Variants in DCHS1 observed in about 807,000 individuals in gnomAD.
DCHS1 encodes dachsous cadherin-related 1.
DCHS1 carries 78 observed loss-of-function variants against 213.9 expected under a neutral mutation model. The ratio of observed to expected loss-of-function variants is 0.36; its 90% CI spans 0.30 to 0.44. DCHS1 has a LOEUF of 0.44. Ranked by LOEUF, DCHS1 falls within the 20% of genes least tolerant of loss-of-function variation. DCHS1 has a pLI of 1.00. For missense variants in DCHS1, 3,946 were observed against 4,395.9 expected, an observed-to-expected ratio of 0.90 and a Z score of 2.89; for synonymous variants, 1,828 against 1,873.7, an observed-to-expected ratio of 0.98 and a Z score of 0.63.
At chr11:6,634,438 G>A (rs1855960005) in intron 2 of DCHS1, 132 bp from the exon 3 acceptor site, 1 of 998,872 alleles carries the variant, frequency 1.0e-6, no homozygotes, top group Middle Eastern at 3.3e-4. Flanking sequence ...GTAGGACATG[G>A]GCCCAAACCC....
intron 2 of DCHS1, among the ~76,000 whole-genome samples, chr11:6,634,671 C>A (rs1855963461): frequency 6.6e-6 from 1 of 152,130 alleles, no homozygotes; most frequent in Admixed American, 6.5e-5. Flanking sequence ...TTTCTCCATA[C>A]AACACATCAC....
At position 6,628,591 on chromosome 11, in the gene DCHS1, T is replaced by A. The variant is rs1855848832; in HGVS notation, c.5371+30A>T. On this transcript the variant is annotated intron_variant, in intron 13 of 20. Transcript: ENST00000299441. The surrounding 1 kb of genome is among the most constrained non-coding windows in gnomAD (Gnocchi z 4.3). ...GAGCAAGAACCAGGCAAGTGGGTGC[T>A]GAATTAAGTGGGAGTGGGAAGGTTC... The A allele has an allele frequency of 1.2e-6, 2 of 1,611,834 alleles. No homozygotes were observed. The highest frequency in any genetic ancestry group is 1.7e-6 in the Non-Finnish European group (2 of 1,178,422).
rs371287504 is a variant in DCHS1 at position 6,647,428 on chromosome 11, T to C, written c.-120-5695A>G. On this transcript the variant is annotated intron_variant, in intron 1 of 20. Coordinates refer to ENST00000299441, the MANE Select transcript of DCHS1 (RefSeq NM_003737.4). ...CCTGGATATCCCTGGGACAGCCCCA[T>C]AGGACAGTGGCCAGAGCAGTGCCCG... Among the ~76,000 whole-genome samples the C allele has an allele frequency of 4.6e-5, 7 of 152,112 alleles. No homozygotes were observed. In the East Asian group the frequency reaches 1.2e-3, roughly 25 times the overall value.
chr11:6,637,759 A>C (rs933819460), intron 2 of DCHS1, among the ~76,000 whole-genome samples: 2 of 152,056 alleles, frequency 1.3e-5, no homozygotes, highest in African/African-American at 4.8e-5. Flanking sequence ...AAATGTTCTT[A>C]TTGGAATGAA....
rs199865073 is a variant in DCHS1, at chr11:6,624,018, C to T, written c.7658G>A (p.Cys2553Tyr). The change falls in exon 21 of 21, where the codon TGC becomes TAC. Residue 2553 changes from cysteine to tyrosine, a missense_variant. Coordinates refer to ENST00000299441, the MANE Select transcript of DCHS1 (RefSeq NM_003737.4). ...GTCTAGAGGTTCAAGCAACACCAGG[C>T]AGCCCAGTGCCCGGGGGCCTGGTCC... ...SAGPGPRALG[C>Y]LVLLEPLDFE... The T allele has an allele frequency of 1.7e-5, 27 of 1,613,468 alleles. No homozygotes were observed. The East Asian group carries it at 5.8e-4, about 35-fold the overall frequency.
intron 2 of DCHS1, among the ~76,000 whole-genome samples, chr11:6,637,668 T>C (rs935898484): frequency 2.0e-5 from 3 of 151,972 alleles, no homozygotes; most frequent in African/African-American, 7.3e-5. Context: ...TTGCTCATTC[T>C]TTAAGTCTCA....
At position 6,640,695 on chromosome 11, in the gene DCHS1, T is replaced by C. The variant is rs1589960638; in HGVS notation, c.919A>G (p.Ile307Val). ...RQSEGDGPFS[I>V]DAHTGLLQLE... Reference sequence around the variant, plus strand: ...TGCAGCAGCCCCGTGTGTGCGTCGATGGAGAAGGGTCCATCACCCTCGCTC... The same window carrying C: ...TGCAGCAGCCCCGTGTGTGCGTCGACGGAGAAGGGTCCATCACCCTCGCTC... Residue 307 changes from isoleucine to valine, a missense_variant, in exon 2 of 21, where the codon ATC becomes GTC. Ile to Val is a conservative substitution (Grantham distance 29, BLOSUM62 3). Transcript: ENST00000299441. This position sits in a 1 kb window ranked among gnomAD's most constrained non-coding sequence, Gnocchi z 6.5. The C allele has an allele frequency of 5.0e-6, 8 of 1,613,506 alleles. No homozygotes were observed. Among genetic ancestry groups the C allele is most frequent in the Non-Finnish European group, 6.8e-6 (8 of 1,179,834 alleles).
Position 6,632,802 on chromosome 11 carries a change from G to A in DCHS1, c.2710C>T (p.Pro904Ser), listed in dbSNP as rs745615130. The stretch of plus-strand genomic sequence containing the variant: ...GGAGTCCCTGGGGCAGTGTTTGGTG[G>A]TAGCAATACCGTGTCTTCAGGTGCA... Reference protein sequence around the residue: ...FPAPEDTVLLPPNTAPGTPIY... With the variant: ...FPAPEDTVLLSPNTAPGTPIY... The change falls in exon 6 of 21, where the codon CCA becomes TCA. Residue 904 changes from proline to serine, a missense_variant. Physicochemically the swap from Pro to Ser is moderately conservative, Grantham distance 74. Transcript: ENST00000299441. This position sits in a 1 kb window ranked among gnomAD's most constrained non-coding sequence, Gnocchi z 5.9. 2 of 1,613,940 alleles carry A rather than the reference G, an allele frequency of 1.2e-6. No individual in the cohort carries two copies. The highest frequency in any genetic ancestry group is 8.5e-7 in the Non-Finnish European group (1 of 1,179,858).
intron 5 of DCHS1, 137 bp from the exon 6 acceptor site, chr11:6,633,193 T>C (rs1295619879): frequency 8.3e-7 from 1 of 1,208,984 alleles, no homozygotes; most frequent in African/African-American, 1.5e-5. Context: ...GGGCAGGGGT[T>C]GGCAAAGAAG....
chr11:6,653,193 T>A (rs1039665224), intron 1 of DCHS1, among the ~76,000 whole-genome samples: 1 of 152,164 alleles, frequency 6.6e-6, no homozygotes, highest in Non-Finnish European at 1.5e-5. Flanking sequence ...AGTGTCAGGC[T>A]CACTGAACTG....
chr11:6,639,261 T>C (rs866673798), intron 2 of DCHS1, among the ~76,000 whole-genome samples: 1 of 152,204 alleles, frequency 6.6e-6, no homozygotes, highest in African/African-American at 2.4e-5. Flanking sequence ...GCAGCCAGTA[T>C]GTGTCTTTCT....
In DCHS1 at chr11:6,640,151, G is replaced by A. The variant is rs1229960002; in HGVS notation, c.1463C>T (p.Pro488Leu). ...AGTCACCCGCACTACAAAGCTGCCA[G>A]GCAGCGCAACCTCAGGCAGGGGCTC... ...RPEPLPEVAL[P>L]GSFVVRVTAR... The change falls in exon 2 of 21, where the codon CCT (proline) becomes CTT (leucine). Residue 488 changes from proline to leucine, a missense_variant. Coordinates refer to ENST00000299441, the MANE Select transcript of DCHS1 (RefSeq NM_003737.4). The surrounding 1 kb of genome is among the most constrained non-coding windows in gnomAD (Gnocchi z 6.5). The A allele has an allele frequency of 6.2e-7, 1 of 1,613,776 alleles. No individual in the cohort carries two copies. Among genetic ancestry groups the A allele is most frequent in the Admixed American group, 1.7e-5 (1 of 59,976 alleles).
chr11:6,625,627 G>A lies in DCHS1; in HGVS notation c.6832C>T (p.Pro2278Ser), dbSNP rs749651000. 30 of 1,613,510 alleles carry A rather than the reference G, an allele frequency of 1.9e-5. No homozygotes were observed. Among genetic ancestry groups the A allele is most frequent in the Non-Finnish European group, 2.5e-5 (30 of 1,179,850 alleles). Residue 2278 changes from proline to serine, a missense_variant, in exon 18 of 21, where the codon CCC becomes TCC. Pro to Ser is a moderately conservative substitution (Grantham distance 74). This residue lies in a region of DCHS1 where 3,384 missense variants were observed against 3,780.1 expected (regional missense o/e 0.90). Transcript: ENST00000299441. This position sits in a 1 kb window ranked among gnomAD's most constrained non-coding sequence, Gnocchi z 5.3. ...IDTNDNRPTI[P>S]QPWELRVSED... ...GACACTCGGAGCTCCCAGGGTTGGG[G>A]GATGGTGGGGCGATTGTCATTGGTG...
intron 1 of DCHS1, among the ~76,000 whole-genome samples, chr11:6,651,212 T>A (rs1169884265): frequency 1.3e-5 from 2 of 151,270 alleles, no homozygotes; most frequent in African/African-American, 2.4e-5. Flanking sequence ...CCCGGTGGAG[T>A]CATTAAAGGC....
Position 6,651,139 on chromosome 11 carries a change from C to T in DCHS1, c.-121+4424G>A, listed in dbSNP as rs560990187. ...TCTTGCCATCAAGGAGGTCCCAGCGCGGTTTGGGGAGATAAGACAGGGAAG... is the reference window on the plus strand; with the variant it reads ...TCTTGCCATCAAGGAGGTCCCAGCGTGGTTTGGGGAGATAAGACAGGGAAG... On this transcript the variant is annotated intron_variant, in intron 1 of 20. Coordinates refer to ENST00000299441, the MANE Select transcript of DCHS1 (RefSeq NM_003737.4). Among the ~76,000 whole-genome samples, 32 of 152,106 alleles carry T rather than the reference C, an allele frequency of 2.1e-4. No homozygotes were observed. The South Asian group carries it at 2.5e-3, about 12-fold the overall frequency.
chr11:6,651,073 C>T (rs1856235925), intron 1 of DCHS1, among the ~76,000 whole-genome samples: 1 of 152,190 alleles, frequency 6.6e-6, no homozygotes, highest in Admixed American at 6.5e-5. Flanking sequence ...CAGCCAAGCA[C>T]CTGTGTGGGA....
intron 1 of DCHS1, among the ~76,000 whole-genome samples, chr11:6,652,317 A>T (rs1165715537): frequency 6.6e-5 from 10 of 152,224 alleles, no homozygotes; most frequent in Admixed American, 6.5e-4. Flanking sequence ...CAGATTGAGC[A>T]GAAGAGATGT....
Position 6,640,187 on chromosome 11 carries a change from A to G in DCHS1, c.1427T>C (p.Leu476Pro). Residue 476 changes from leucine (L) to proline (P), a missense_variant, in exon 2 of 21, where the codon CTC (leucine) becomes CCC (proline). Leu to Pro is a moderately conservative substitution (Grantham distance 98). This residue lies in a region of DCHS1 where 3,384 missense variants were observed against 3,780.1 expected (regional missense o/e 0.90). Transcript: ENST00000299441. This position sits in a 1 kb window ranked among gnomAD's most constrained non-coding sequence, Gnocchi z 6.5. ...CTCAGGCAGGGGCTCAGGTCGGTAG[A>G]GCTGGCGGTCAAAGGCAGGTGCATT... ...NDNAPAFDRQ[L>P]YRPEPLPEVA... The G allele has an allele frequency of 6.2e-7, 1 of 1,613,768 alleles. No individual in the cohort carries two copies.
Position 6,641,290 on chromosome 11 carries a change from G to A in DCHS1, c.324C>T (p.Asp108=), listed in dbSNP as rs1196217957. The change falls in exon 2 of 21, where the codon GAC becomes GAT. Residue 108 remains aspartate (D), a synonymous_variant. Coordinates refer to ENST00000299441, the MANE Select transcript of DCHS1 (RefSeq NM_003737.4). This position sits in a 1 kb window ranked among gnomAD's most constrained non-coding sequence, Gnocchi z 7.1. ...SGVVRTARVL[D]REQRDRYRFT... The stretch of plus-strand genomic sequence containing the variant: ...AGCGGTAGCGGTCCCGCTGCTCACG[G>A]TCCAAGACACGGGCTGTACGGACGA... 1 of 1,613,714 alleles carries A rather than the reference G, an allele frequency of 6.2e-7. No homozygotes were observed. The highest frequency in any genetic ancestry group is 1.1e-5 in the South Asian group (1 of 91,086).
Sources: gnomAD v4.1 joint callset for allele counts (sites outside exome capture counted in the v4.1 genomes callset) on GRCh38, gnomAD v4.1.1 for gene constraint, gnomAD v4.1.1 regional missense constraint, Gnocchi (gnomAD v3.1) non-coding constraint, MANE v1.5 for transcripts, NCBI Gene and HGNC (gene_info 2026-07-23, HGNC 2026-07-21) for gene names.